The following FHOD3 variants were observed in gnomAD, a reference collection of about 807,000 sequenced individuals.
FHOD3 encodes formin homology 2 domain containing 3, also known as FH1/FH2 domain-containing protein 3.
In FHOD3, 90 loss-of-function variants were observed where a neutral mutation model predicts 173.0. The ratio of observed to expected loss-of-function variants is 0.52; its 90% CI spans 0.44 to 0.62. FHOD3 has a LOEUF of 0.62. FHOD3 is among the 20% of genes least tolerant of loss of function. The probability of loss-of-function intolerance (pLI) is 0.00; values close to 1 mark genes in which losing one functional copy is unlikely to be tolerated. For missense variants in FHOD3, 1,945 were observed against 2,034.7 expected (o/e 0.96, Z 0.85); for synonymous variants, 828 against 823.0 (o/e 1.01, Z -0.10).
At chr18:36,755,396 GCTTTTTTTTT>G (rs776565809) in intron 25 of FHOD3, 85 bp downstream of exon 25, 2 of 268,574 alleles carry the variant, frequency 7.4e-6, no homozygotes, top group African/African-American at 4.4e-5. Flanking sequence ...TAAAAGCTGT[GCTTTTTTTTT>G]TTTTTTTTTT....
intron 10 of FHOD3, among the ~76,000 whole-genome samples, chr18:36,626,808 C>A (rs2034144300): frequency 6.6e-6 from 1 of 152,080 alleles, no homozygotes; most frequent in African/African-American, 2.4e-5. Flanking sequence ...AAGATATATC[C>A]CTCCTCTCCA....
At chr18:36,606,077 C>T (rs1234340823) in intron 8 of FHOD3, among the ~76,000 whole-genome samples, 1 of 152,070 alleles carries the variant, frequency 6.6e-6, no homozygotes. Flanking sequence ...AAGCAGGACC[C>T]CAGGAAGCCA....
chr18:36,730,509 G>A, intron 19 of FHOD3, 137 bp from the exon 20 acceptor site: 1 of 789,960 alleles, frequency 1.3e-6, no homozygotes, highest in Non-Finnish European at 2.0e-6. Context: ...GTGCTGAACA[G>A]TAGCCAGTCC....
chr18:36,592,263 C>T (rs911242099), intron 6 of FHOD3, among the ~76,000 whole-genome samples: 1 of 152,152 alleles, frequency 6.6e-6, no homozygotes, highest in Non-Finnish European at 1.5e-5. Flanking sequence ...GACCAAGGGG[C>T]TCCTTTAAGT....
rs1278452604 is a variant in FHOD3 at position 36,625,573 on chromosome 18, C to A, written c.1020C>A (p.Asp340Glu). 1 of 1,538,568 alleles carries A rather than the reference C, an allele frequency of 6.5e-7. No homozygotes were observed. Among genetic ancestry groups the A allele is most frequent in the Non-Finnish European group, 8.8e-7 (1 of 1,134,140 alleles). The part of the protein sequence containing the change: ...TTEPPPSGCR[D>E]RRRASVCSSG... The stretch of plus-strand genomic sequence containing the variant: ...AGCCACCCCCCAGTGGGTGCCGGGA[C>A]CGGAGGAGGGCCAGCGTGTGTTCCA... The change falls in exon 10 of 29, where the codon GAC (aspartate) becomes GAA (glutamate). Residue 340 changes from aspartate to glutamate, a missense_variant. By Grantham distance (45) the Asp-to-Glu change is conservative. Around this residue, in one of 5 missense-constraint regions of FHOD3, gnomAD observed 1,099 missense variants for 1,051.2 expected, o/e 1.05. Coordinates refer to ENST00000590592, the MANE Select transcript of FHOD3 (RefSeq NM_001281740.3).
At chr18:36,418,863 G>A (rs1172152802) in intron 3 of FHOD3, among the ~76,000 whole-genome samples, 17 of 152,216 alleles carry the variant, frequency 1.1e-4, no homozygotes, top group Middle Eastern at 6.8e-3. Context: ...GCAATGAGCC[G>A]AGATCGCGCC....
At chr18:36,748,243 G>C (rs1318002849) in intron 24 of FHOD3, among the ~76,000 whole-genome samples, 1 of 151,938 alleles carries the variant, frequency 6.6e-6, no homozygotes, top group African/African-American at 2.4e-5. Context: ...TTCCTCAAGG[G>C]AACTTTTAGG....
intron 17 of FHOD3, among the ~76,000 whole-genome samples, chr18:36,704,049 A>G (rs979715282): frequency 6.6e-6 from 1 of 152,104 alleles, no homozygotes; most frequent in Non-Finnish European, 1.5e-5. Flanking sequence ...GTACCCTGTT[A>G]TGTCTCTTTG....
intron 7 of FHOD3, among the ~76,000 whole-genome samples, chr18:36,600,252 AACACACACACACAC>A (rs67473480): frequency 4.9e-5 from 7 of 143,068 alleles, no homozygotes; most frequent in Non-Finnish European, 9.1e-5. Context: ...TCTCCTCTGC[AACACACACACACAC>A]ACACACACAC....
At chr18:36,647,551 A>G (rs1040954426) in intron 10 of FHOD3, among the ~76,000 whole-genome samples, 1 of 152,216 alleles carries the variant, frequency 6.6e-6, no homozygotes, top group African/African-American at 2.4e-5. Flanking sequence ...TTATTAATAA[A>G]GATGAACCCA....
Position 36,639,253 on chromosome 18 carries a change from C to T in FHOD3, c.1197-10063C>T, listed in dbSNP as rs1358209917. Among the ~76,000 whole-genome samples, 9 of 152,164 alleles carry T rather than the reference C, an allele frequency of 5.9e-5. No homozygotes were observed. In the East Asian group the frequency reaches 1.5e-3, roughly 26 times the overall value. On this transcript the variant is annotated intron_variant, in intron 10 of 28. Coordinates refer to ENST00000590592, the MANE Select transcript of FHOD3 (RefSeq NM_001281740.3). The stretch of plus-strand genomic sequence containing the variant: ...AACTTCTGAGGGACATTTAAAGCAA[C>T]GAATATTGGCCGGCGTGGTGGCTCA...
At chr18:36,730,507 C>G (rs906346387) in intron 19 of FHOD3, 139 bp from the exon 20 acceptor site, 2 of 773,032 alleles carry the variant, frequency 2.6e-6, no homozygotes, top group Non-Finnish European at 4.0e-6. Flanking sequence ...CTGTGCTGAA[C>G]AGTAGCCAGT....
chr18:36,648,100 C>G (rs1937263942), intron 10 of FHOD3, among the ~76,000 whole-genome samples: 1 of 151,974 alleles, frequency 6.6e-6, no homozygotes, highest in South Asian at 2.1e-4. Flanking sequence ...GGACTGAAAG[C>G]AAGAAGATGC....
intron 1 of FHOD3, among the ~76,000 whole-genome samples, chr18:36,311,429 T>C (rs2092254991): frequency 6.6e-6 from 1 of 152,152 alleles, no homozygotes; most frequent in South Asian, 2.1e-4. Context: ...GCTGGCAAAA[T>C]GGTGCTGGGC....
chr18:36,709,001 A>G, intron 17 of FHOD3, 94 bp from the exon 18 acceptor site: 1 of 1,455,986 alleles, frequency 6.9e-7, no homozygotes, highest in Non-Finnish European at 9.4e-7. Flanking sequence ...ACATCTGTCC[A>G]CCACAGAGAA....
At chr18:36,300,201 A>G (rs903175185) in intron 1 of FHOD3, among the ~76,000 whole-genome samples, 1 of 152,174 alleles carries the variant, frequency 6.6e-6, no homozygotes, top group Non-Finnish European at 1.5e-5. Context: ...TTTTTGTGCT[A>G]GAAGTGGGGA....
intron 1 of FHOD3, among the ~76,000 whole-genome samples, chr18:36,340,583 T>TA (rs1367457662): frequency 5.4e-5 from 1 of 18,498 alleles, no homozygotes; most frequent in Non-Finnish European, 2.3e-4. Context: ...CTTTCTCTTG[T>TA]TTTTTTTTTT....
chr18:36,699,002 G>A (rs1163760564), intron 17 of FHOD3, among the ~76,000 whole-genome samples: 3 of 152,010 alleles, frequency 2.0e-5, no homozygotes, highest in Non-Finnish European at 2.9e-5. Flanking sequence ...TATTACAGTG[G>A]GCAATAAACC....
intron 6 of FHOD3, among the ~76,000 whole-genome samples, chr18:36,579,356 A>G (rs2058765862): frequency 6.6e-6 from 1 of 152,238 alleles, no homozygotes; most frequent in Non-Finnish European, 1.5e-5. Flanking sequence ...AAAACCTAAC[A>G]TGCTTACAAT....
Sources: gnomAD v4.1 joint callset for allele counts (sites outside exome capture counted in the v4.1 genomes callset) on GRCh38, gnomAD v4.1.1 for gene constraint, gnomAD v4.1.1 regional missense constraint, MANE v1.5 for transcripts, NCBI Gene and HGNC (gene_info 2026-07-23, HGNC 2026-07-21) for gene names.